STAU2: variants seen among roughly 807,000 people sequenced by gnomAD.
STAU2 encodes staufen double-stranded RNA binding protein 2.
Under a neutral mutation model 65.9 loss-of-function variants are expected in STAU2, and 20 were observed. The observed-to-expected ratio is 0.30, with a 90% confidence interval of 0.21 to 0.44. The LOEUF (loss-of-function observed/expected upper bound fraction) is 0.44. Ranked by LOEUF, STAU2 falls within the 20% of genes least tolerant of loss-of-function variation. The pLI is 1.00. For missense variants in STAU2, 558 were observed against 683.9 expected (o/e 0.82, Z 2.05); for synonymous variants, 232 against 233.9 (o/e 0.99, Z 0.07).
chr8:73,716,338 C>T (rs1821251735), intron 3 of STAU2, among the ~76,000 whole-genome samples: 1 of 152,200 alleles, frequency 6.6e-6, no homozygotes, highest in Non-Finnish European at 1.5e-5. Context: ...GATCCACCCG[C>T]CTCGGCCTCC....
chr8:73,681,391 A>G (rs1249399326), intron 5 of STAU2, among the ~76,000 whole-genome samples: 4 of 152,186 alleles, frequency 2.6e-5, no homozygotes, highest in African/African-American at 9.6e-5. Context: ...CGGAAAGATA[A>G]AAGTCTTTTT....
At chr8:73,522,235 A>G (rs1823081727) in intron 13 of STAU2, among the ~76,000 whole-genome samples, 1 of 152,214 alleles carries the variant, frequency 6.6e-6, no homozygotes, top group African/African-American at 2.4e-5. Flanking sequence ...GACTAATGTA[A>G]TTAAAGGAGA....
At position 73,702,577 on chromosome 8, in the gene STAU2, AT is replaced by A. The variant is rs57436414; in HGVS notation, c.114+6454del. 4.9e-3 allele frequency among the ~76,000 whole-genome samples: 749 copies of A among 152,244 alleles called. 4 individuals carry two copies. The highest frequency in any genetic ancestry group is 0.016 in the African/African-American group (676 of 41,550). ...TATGTACCCACAAAAATTAAAAATAATTTTTTAATTAAAAAAGAGACAAAGA... is the reference window on the plus strand; with the variant it reads ...TATGTACCCACAAAAATTAAAAATAATTTTTAATTAAAAAAGAGACAAAGA... On this transcript the variant is annotated intron_variant, in intron 4 of 14. Transcript: ENST00000524300.
chr8:73,453,059 T>C lies in STAU2; in HGVS notation c.1531-30357A>G, dbSNP rs117637038. Reference sequence around the variant, plus strand: ...TAATGCATTTTGTATTTGTGGCTAGTAAATGACTCTGACTCGGTGTCTTCA... The same window carrying C: ...TAATGCATTTTGTATTTGTGGCTAGCAAATGACTCTGACTCGGTGTCTTCA... On this transcript the variant is annotated intron_variant, in intron 13 of 14. Coordinates refer to ENST00000524300, the MANE Select transcript of STAU2 (RefSeq NM_001164380.2). 3.5e-4 allele frequency among the ~76,000 whole-genome samples: 53 copies of C among 152,354 alleles called. 1 individual carries two copies. In the East Asian group the frequency reaches 5.8e-3, roughly 17 times the overall value.
At chr8:73,634,460 A>C (rs1023305432) in intron 6 of STAU2, among the ~76,000 whole-genome samples, 6 of 152,088 alleles carry the variant, frequency 3.9e-5, no homozygotes, top group African/African-American at 1.4e-4. Context: ...CCTGGGAGGC[A>C]GAAGACATAG....
intron 13 of STAU2, among the ~76,000 whole-genome samples, chr8:73,452,637 G>C (rs1818858628): frequency 6.6e-6 from 1 of 152,158 alleles, no homozygotes; most frequent in Non-Finnish European, 1.5e-5. Flanking sequence ...GTGAGTTCTG[G>C]ATCACAGAAC....
At chr8:73,662,865 C>A (rs111637355) in intron 6 of STAU2, among the ~76,000 whole-genome samples, 11,025 of 152,182 alleles carry the variant, frequency 0.072, 436 homozygotes, top group Middle Eastern at 0.14. Flanking sequence ...ATCCACCTGC[C>A]TCAGCCTCCC....
chr8:73,647,475 T>C lies in STAU2; in HGVS notation c.410+25632A>G, dbSNP rs567210141. ...CAAAAGCATAGAGATGGAGAACACA[T>C]TCATGGTTGCCAAGGGCTAGAGATA... On this transcript the variant is annotated intron_variant, in intron 6 of 14. Transcript: ENST00000524300. Among the ~76,000 whole-genome samples, 9 of 152,242 alleles carry C rather than the reference T, an allele frequency of 5.9e-5. No homozygotes were observed. In the East Asian group the frequency reaches 1.7e-3, roughly 29 times the overall value.
intron 13 of STAU2, among the ~76,000 whole-genome samples, chr8:73,462,508 A>G (rs1182093764): frequency 6.6e-6 from 1 of 151,342 alleles, no homozygotes. Flanking sequence ...CTGTTCTCCC[A>G]CCTCAGCCCT....
chr8:73,609,926 A>G (rs1812322292), intron 9 of STAU2, among the ~76,000 whole-genome samples: 1 of 152,162 alleles, frequency 6.6e-6, no homozygotes, highest in African/African-American at 2.4e-5. Context: ...ATAGATTGCA[A>G]TGAAAAGAAT....
intron 12 of STAU2, among the ~76,000 whole-genome samples, chr8:73,566,282 G>GT (rs1183896338): frequency 1.3e-5 from 2 of 152,180 alleles, no homozygotes; most frequent in Admixed American, 6.5e-5. Context: ...TATTACTAAA[G>GT]TTTTTTTAAA....
chr8:73,721,177 A>C (rs1311070615), intron 3 of STAU2, among the ~76,000 whole-genome samples: 1 of 148,604 alleles, frequency 6.7e-6, no homozygotes, highest in Non-Finnish European at 1.5e-5. Context: ...ATAGTCCTAG[A>C]TACTCGGGGA....
chr8:73,726,441 TAA>T (rs780797059), intron 3 of STAU2, among the ~76,000 whole-genome samples: 10 of 152,168 alleles, frequency 6.6e-5, no homozygotes, highest in Non-Finnish European at 1.5e-4. Context: ...AAAAAATAAA[TAA>T]AAGTCATTAT....
chr8:73,545,462 G>A (rs961260115), intron 13 of STAU2, among the ~76,000 whole-genome samples: 3 of 152,088 alleles, frequency 2.0e-5, no homozygotes, highest in Non-Finnish European at 4.4e-5. Context: ...ACTATATTAA[G>A]ATGGCAGAAC....
At chr8:73,571,043 G>A (rs1809042025) in intron 12 of STAU2, among the ~76,000 whole-genome samples, 1 of 152,148 alleles carries the variant, frequency 6.6e-6, no homozygotes, top group South Asian at 2.1e-4. Context: ...ATAAAGGGAT[G>A]GAGGAAGATC....
chr8:73,442,586 A>G (rs1473781816), intron 13 of STAU2, among the ~76,000 whole-genome samples: 1 of 152,188 alleles, frequency 6.6e-6, no homozygotes, highest in African/African-American at 2.4e-5. Context: ...GATATGAGTT[A>G]GGCCTGCCAA....
intron 12 of STAU2, among the ~76,000 whole-genome samples, chr8:73,577,150 C>T (rs931358691): frequency 7.2e-5 from 11 of 152,040 alleles, no homozygotes; most frequent in Admixed American, 4.6e-4. Flanking sequence ...TATTTATGGC[C>T]GGGTACACTG....
intron 13 of STAU2, among the ~76,000 whole-genome samples, chr8:73,476,511 T>A (rs937191062): frequency 2.6e-4 from 39 of 152,244 alleles, no homozygotes; most frequent in Non-Finnish European, 4.7e-4. Context: ...GGTAATGTAC[T>A]ATGACTTTGT....
At chr8:73,648,589 G>A (rs1028709847) in intron 6 of STAU2, among the ~76,000 whole-genome samples, 1 of 152,078 alleles carries the variant, frequency 6.6e-6, no homozygotes, top group Non-Finnish European at 1.5e-5. Context: ...CATTCCTATG[G>A]GCAGGAACAA....
Sources: gnomAD v4.1 joint callset for allele counts (sites outside exome capture counted in the v4.1 genomes callset) on GRCh38, gnomAD v4.1.1 for gene constraint, MANE v1.5 for transcripts, NCBI Gene and HGNC (gene_info 2026-07-23, HGNC 2026-07-21) for gene names.